Variants in ACADSB observed in about 807,000 individuals in gnomAD.
ACADSB encodes the protein acyl-CoA dehydrogenase short/branched chain.
In ACADSB, 40 loss-of-function variants were observed where a neutral mutation model predicts 54.1. The ratio of observed to expected loss-of-function variants is 0.74; its 90% CI spans 0.57 to 0.96. The LOEUF (loss-of-function observed/expected upper bound fraction) is 0.96. Among genes scored for constraint, ACADSB ranks in the 40% least tolerant of loss-of-function variants. The pLI, the probability that ACADSB is intolerant of heterozygous loss-of-function variation, is 0.00. For missense variants in ACADSB, 530 were observed against 510.4 expected, an observed-to-expected ratio of 1.04 and a Z score of -0.37; for synonymous variants, 182 against 182.8, an observed-to-expected ratio of 1.00 and a Z score of 0.03.
At chr10:123,010,722 C>T (rs1305066041) in intron 1 of ACADSB, among the ~76,000 whole-genome samples, 1 of 152,102 alleles carries the variant, frequency 6.6e-6, no homozygotes, top group Non-Finnish European at 1.5e-5. Context: ...AGTCAGCTCT[C>T]GGTAAATATC....
intron 1 of ACADSB, among the ~76,000 whole-genome samples, chr10:123,018,347 C>T (rs1453059895): frequency 6.6e-6 from 1 of 152,052 alleles, no homozygotes; most frequent in African/African-American, 2.4e-5. Flanking sequence ...GATTCCCTTG[C>T]CTTGTGTCTT....
chr10:123,030,539 A>G (rs979362407), intron 1 of ACADSB, among the ~76,000 whole-genome samples: 3 of 151,850 alleles, frequency 2.0e-5, no homozygotes, highest in East Asian at 1.9e-4. Flanking sequence ...AAAAAAAAAA[A>G]AAAAGAAAAG....
chr10:123,017,162 A>T (rs180674106), intron 1 of ACADSB, among the ~76,000 whole-genome samples: 18 of 152,330 alleles, frequency 1.2e-4, no homozygotes, highest in African/African-American at 4.3e-4. Flanking sequence ...GATTAAAAAA[A>T]AATTTAAACT....
rs770554874 is a variant in ACADSB, at chr10:123,037,706, T to C, written c.203-41T>C. ...TGTCAGCAAACTATTAATGTGACTG[T>C]CACTTTAACATAGACTTATCAGTAA... On this transcript the variant is annotated intron_variant, in intron 2 of 10. Transcript: ENST00000358776. The C allele has an allele frequency of 5.7e-6, 8 of 1,392,244 alleles. No individual in the cohort carries two copies. In the Admixed American group the frequency reaches 1.3e-4, roughly 23 times the overall value. 86.2% of individuals were successfully genotyped at this position (1,392,244 alleles called of 1,614,324 possible).
intron 1 of ACADSB, among the ~76,000 whole-genome samples, chr10:123,033,928 C>A (rs1850361479): frequency 6.6e-6 from 1 of 152,120 alleles, no homozygotes. Flanking sequence ...CTATGTCCTC[C>A]CCAGCTCCCT....
intron 1 of ACADSB, among the ~76,000 whole-genome samples, chr10:123,033,893 C>T (rs1355496069): frequency 2.6e-5 from 4 of 152,234 alleles, no homozygotes; most frequent in Admixed American, 1.3e-4. Context: ...GCTGCCTGGG[C>T]TCTCTCAGCA....
At chr10:123,030,033 C>G (rs1850305694) in intron 1 of ACADSB, among the ~76,000 whole-genome samples, 1 of 152,140 alleles carries the variant, frequency 6.6e-6, no homozygotes, top group Non-Finnish European at 1.5e-5. Flanking sequence ...GGGCCTTAGT[C>G]TCATTCCCAA....
chr10:123,044,438 T>C lies in ACADSB; in HGVS notation c.853T>C (p.Tyr285His). ...GGGACAAATTGGACATGGCTATAAG[T>C]ATGCCATAGGGAGTCTCAATGAAGG... ...ILGQIGHGYK[Y>H]AIGSLNEGRI... Residue 285 changes from tyrosine to histidine, a missense_variant, in exon 7 of 11, where the codon TAT (tyrosine) becomes CAT (histidine). Transcript: ENST00000358776. 1 of 1,613,990 alleles carries C rather than the reference T, an allele frequency of 6.2e-7. No homozygotes were observed. Among genetic ancestry groups the C allele is most frequent in the Non-Finnish European group, 8.5e-7 (1 of 1,179,918 alleles).
intron 1 of ACADSB, among the ~76,000 whole-genome samples, chr10:123,010,199 C>T (rs1358711241): frequency 1.3e-5 from 2 of 152,222 alleles, no homozygotes; most frequent in East Asian, 3.8e-4. Flanking sequence ...GTGGTAGGCA[C>T]GTTCTCGTTC....
intron 1 of ACADSB, among the ~76,000 whole-genome samples, chr10:123,012,740 A>G (rs1850053652): frequency 6.6e-6 from 1 of 152,116 alleles, no homozygotes; most frequent in African/African-American, 2.4e-5. Flanking sequence ...TGAGTGTTAC[A>G]GCTCATAAAG....
chr10:123,010,793 A>G (rs1479189203), intron 1 of ACADSB, among the ~76,000 whole-genome samples: 1 of 152,202 alleles, frequency 6.6e-6, no homozygotes, highest in Non-Finnish European at 1.5e-5. Flanking sequence ...TGAATAAAAT[A>G]CTCTACCTCC....
At chr10:123,046,418 T>TA (rs1375263053) in intron 7 of ACADSB, among the ~76,000 whole-genome samples, 1 of 152,198 alleles carries the variant, frequency 6.6e-6, no homozygotes, top group African/African-American at 2.4e-5. Context: ...ATATAATAGA[T>TA]ATGAAAGTTG....
At chr10:123,041,177 T>C (rs781526952) in intron 4 of ACADSB, 32 bp from the exon 5 acceptor site, 2 of 1,609,566 alleles carry the variant, frequency 1.2e-6, no homozygotes, top group Non-Finnish European at 1.7e-6. Context: ...AATACAGTTA[T>C]TAATTTGGAC....
At chr10:123,012,597 G>A (rs946260435) in intron 1 of ACADSB, among the ~76,000 whole-genome samples, 31 of 152,082 alleles carry the variant, frequency 2.0e-4, no homozygotes, top group African/African-American at 7.5e-4. Context: ...TGGTGTCACC[G>A]GCTCAGGAGT....
chr10:123,009,201 A>G, intron 1 of ACADSB, 130 bp downstream of exon 1: 1 of 1,052,786 alleles, frequency 9.5e-7, no homozygotes, highest in African/African-American at 1.6e-5. Flanking sequence ...GGGTCCCCAG[A>G]CTCTTTACCC....
chr10:123,023,408 A>C (rs780987909), intron 1 of ACADSB, among the ~76,000 whole-genome samples: 11 of 152,214 alleles, frequency 7.2e-5, no homozygotes, highest in Non-Finnish European at 1.0e-4. Context: ...GCACTCTTTT[A>C]CTTAAAAGCC....
Position 123,040,077 on chromosome 10 carries a change from C to T in ACADSB, c.304-389C>T, listed in dbSNP as rs535745542. Among the ~76,000 whole-genome samples the T allele has an allele frequency of 4.6e-5, 7 of 151,688 alleles. No homozygotes were observed. In the South Asian group the frequency reaches 1.5e-3, roughly 32 times the overall value. On this transcript the variant is annotated intron_variant, in intron 3 of 10. Coordinates refer to ENST00000358776, the MANE Select transcript of ACADSB (RefSeq NM_001609.4). The stretch of plus-strand genomic sequence containing the variant: ...AATAATTATGGTGGCTGGGTACAGT[C>T]GCTCACGCCTGTAATCCCAACACTT...
intron 1 of ACADSB, among the ~76,000 whole-genome samples, chr10:123,030,253 C>T (rs1026253771): frequency 3.3e-5 from 5 of 152,220 alleles, no homozygotes; most frequent in Admixed American, 2.0e-4. Context: ...TAGCTGGGCA[C>T]GGTGGCTCAC....
At chr10:123,011,651 C>T (rs1231337148) in intron 1 of ACADSB, among the ~76,000 whole-genome samples, 9 of 151,822 alleles carry the variant, frequency 5.9e-5, no homozygotes, top group Non-Finnish European at 1.0e-4. Context: ...CTCAGCCTCC[C>T]GAGTAACTGG....
Sources: allele counts gnomAD v4.1 joint callset (sites outside exome capture counted in the v4.1 genomes callset), GRCh38; gene constraint gnomAD v4.1.1; transcripts MANE v1.5; gene names NCBI Gene and HGNC (gene_info 2026-07-23, HGNC 2026-07-21).